Variants in CEP152 observed in about 807,000 individuals in gnomAD.
CEP152 encodes centrosomal protein 152.
CEP152 carries 132 observed loss-of-function variants against 188.9 expected under a neutral mutation model. The ratio of observed to expected loss-of-function variants is 0.70; its 90% CI spans 0.61 to 0.81. CEP152 has a LOEUF of 0.81. CEP152 is among the 30% of genes least tolerant of loss of function. The probability of loss-of-function intolerance (pLI) is 0.00; values close to 1 mark genes in which losing one functional copy is unlikely to be tolerated. For synonymous variants in CEP152, 649 were observed against 666.6 expected (o/e 0.97, Z 0.41); for missense variants, 1,914 against 1,969.8 (o/e 0.97, Z 0.54).
intron 17 of CEP152, among the ~76,000 whole-genome samples, chr15:48,763,831 A>G (rs1406689552): frequency 3.3e-5 from 5 of 152,196 alleles, no homozygotes; most frequent in African/African-American, 4.8e-5. Flanking sequence ...GAGGTAACAA[A>G]TTATGGGCTT....
At chr15:48,782,472 C>A (rs1896319068) in intron 10 of CEP152, among the ~76,000 whole-genome samples, 1 of 152,124 alleles carries the variant, frequency 6.6e-6, no homozygotes, top group African/African-American at 2.4e-5. Context: ...CTACTATGAC[C>A]TTTTTATGAA....
chr15:48,794,207 T>G (rs867816484), intron 6 of CEP152, among the ~76,000 whole-genome samples: 15 of 152,160 alleles, frequency 9.9e-5, no homozygotes, highest in African/African-American at 3.6e-4. Flanking sequence ...AAAAAAATTT[T>G]TGAAGTCTTC....
chr15:48,787,842 T>A (rs755689917), intron 9 of CEP152, among the ~76,000 whole-genome samples: 1 of 152,214 alleles, frequency 6.6e-6, no homozygotes, highest in Admixed American at 6.5e-5. Context: ...CCTAGAGTTA[T>A]GGAGCACAAG....
chr15:48,793,068 C>T (rs1897086341), intron 7 of CEP152, among the ~76,000 whole-genome samples: 1 of 152,134 alleles, frequency 6.6e-6, no homozygotes, highest in African/African-American at 2.4e-5. Flanking sequence ...GTGATCCGCC[C>T]ACCTCAGCCT....
chr15:48,810,288 C>T (rs1898245585), intron 1 of CEP152: 1 of 152,234 alleles, frequency 6.6e-6, no homozygotes, highest in Non-Finnish European at 1.5e-5. Context: ...CTTGCAACAC[C>T]TGGTGGAGAC....
chr15:48,763,274 A>G (rs1256059508), intron 17 of CEP152, among the ~76,000 whole-genome samples: 1 of 152,186 alleles, frequency 6.6e-6, no homozygotes, highest in Non-Finnish European at 1.5e-5. Context: ...GAAACTGCAC[A>G]ATTTGGTTTT....
intron 21 of CEP152, among the ~76,000 whole-genome samples, chr15:48,749,600 AGT>A (rs1893727762): frequency 6.6e-6 from 1 of 152,130 alleles, no homozygotes; most frequent in Non-Finnish European, 1.5e-5. Context: ...CACCCCTTGC[AGT>A]GCTCCAGCTG....
At chr15:48,784,508 A>C (rs1261440570) in intron 9 of CEP152, among the ~76,000 whole-genome samples, 1 of 152,230 alleles carries the variant, frequency 6.6e-6, no homozygotes, top group Non-Finnish European at 1.5e-5. Flanking sequence ...GACTACTTTG[A>C]ATCATGCTAT....
At chr15:48,780,889 C>T (rs1376424963) in intron 12 of CEP152, among the ~76,000 whole-genome samples, 11 of 152,188 alleles carry the variant, frequency 7.2e-5, no homozygotes, top group Admixed American at 6.5e-5. Flanking sequence ...ACCACCACTA[C>T]TCCCTCCCTA....
chr15:48,783,945 G>T (rs1489932779), intron 10 of CEP152, 28 bp downstream of exon 10: 15 of 1,613,024 alleles, frequency 9.3e-6, no homozygotes, highest in Non-Finnish European at 1.3e-5. Context: ...AACCTTCTGG[G>T]GAGACAGTGG....
chr15:48,784,234 G>A, intron 9 of CEP152, 114 bp from the exon 10 acceptor site: 2 of 999,058 alleles, frequency 2.0e-6, no homozygotes, highest in Non-Finnish European at 3.0e-6. Flanking sequence ...CATCACATGG[G>A]AGCATCACCT....
chr15:48,786,118 CAT>C (rs1410457543), intron 9 of CEP152, among the ~76,000 whole-genome samples: 1 of 152,012 alleles, frequency 6.6e-6, no homozygotes, highest in Non-Finnish European at 1.5e-5. Context: ...AAGGTTATGA[CAT>C]AGAAACCAAA....
At chr15:48,762,038 C>A (rs1191930367) in intron 18 of CEP152, among the ~76,000 whole-genome samples, 1 of 152,072 alleles carries the variant, frequency 6.6e-6, no homozygotes, top group Admixed American at 6.5e-5. Context: ...TCTATAACCA[C>A]CTTAGTGGAA....
chr15:48,779,480 C>A (rs1896116415), intron 12 of CEP152, among the ~76,000 whole-genome samples: 1 of 152,178 alleles, frequency 6.6e-6, no homozygotes, highest in African/African-American at 2.4e-5. Flanking sequence ...ATGTTTTAAT[C>A]AACCATCTAC....
intron 2 of CEP152, among the ~76,000 whole-genome samples, chr15:48,730,647 T>G (rs1892391246): frequency 6.6e-6 from 1 of 152,194 alleles, no homozygotes; most frequent in Non-Finnish European, 1.5e-5. Context: ...GATGAAGACC[T>G]ACTGACTCAA....
chr15:48,733,978 T>C (rs1361138880), downstream of CEP152, among the ~76,000 whole-genome samples: 1 of 152,106 alleles, frequency 6.6e-6, no homozygotes, highest in Non-Finnish European at 1.5e-5. Context: ...GTTGCTGGCA[T>C]ACTTGCCTTA....
In CEP152 at chr15:48,791,258, T is replaced by C. The variant is rs1038784342; in HGVS notation, c.951A>G (p.Ala317=). Residue 317 remains alanine (A), a synonymous_variant, in exon 8 of 27, where the codon GCA becomes GCG. Coordinates refer to ENST00000380950, the MANE Select transcript of CEP152 (RefSeq NM_001194998.2). The part of the protein sequence containing the change: ...QIKALETQIQ[A]LKVNEEQMIK... ...GTACCTGTTCTTCATTGACTTTTAA[T>C]GCTTGTATCTGAGTCTCCAGTGCTT... is the stretch of plus-strand genomic sequence containing the variant. The C allele has an allele frequency of 6.2e-6, 10 of 1,612,370 alleles. No individual in the cohort carries two copies. Among genetic ancestry groups the C allele is most frequent in the Non-Finnish European group, 7.6e-6 (9 of 1,179,716 alleles).
At chr15:48,786,724 A>G (rs1251179638) in intron 9 of CEP152, among the ~76,000 whole-genome samples, 1 of 152,184 alleles carries the variant, frequency 6.6e-6, no homozygotes, top group Non-Finnish European at 1.5e-5. Flanking sequence ...CAAAGAACGT[A>G]ACAGTGGGAA....
chr15:48,763,113 A>G (rs1286291088), intron 17 of CEP152, among the ~76,000 whole-genome samples: 5 of 152,242 alleles, frequency 3.3e-5, no homozygotes, highest in Non-Finnish European at 4.4e-5. Flanking sequence ...ACTCACTTGA[A>G]CACATTAGAA....
Sources: gnomAD v4.1 joint callset for allele counts (sites outside exome capture counted in the v4.1 genomes callset) on GRCh38, gnomAD v4.1.1 for gene constraint, MANE v1.5 for transcripts, NCBI Gene and HGNC (gene_info 2026-07-23, HGNC 2026-07-21) for gene names.